Variants in PTPA observed in about 807,000 individuals in gnomAD.
PTPA encodes serine/threonine-protein phosphatase 2A activator.
In PTPA, 13 loss-of-function variants were observed where a neutral mutation model predicts 43.6. The observed-to-expected ratio is 0.30, with a 90% CI of 0.19 to 0.47. PTPA has a LOEUF of 0.47. Ranked by LOEUF, PTPA falls within the 20% of genes least tolerant of loss-of-function variation. PTPA has a pLI of 0.99. For synonymous variants in PTPA, 172 were observed against 158.2 expected (o/e 1.09, Z -0.66); for missense variants, 329 against 411.9 (o/e 0.80, Z 1.74).
intron 8 of PTPA, chr9:129,141,811 C>A (rs2131619617): frequency 6.6e-6 from 1 of 152,470 alleles, no homozygotes; most frequent in African/African-American, 2.4e-5. Flanking sequence ...CTCTTCCCTG[C>A]CTGCATGGCA....
upstream of PTPA, chr9:129,111,060 T>C: frequency 7.3e-7 from 1 of 1,368,134 alleles, no homozygotes; most frequent in African/African-American, 1.5e-5. Flanking sequence ...TCCAACTCCG[T>C]CTGGTGTCCT....
At chr9:129,125,454 G>T (rs1849515897) in intron 3 of PTPA, among the ~76,000 whole-genome samples, 1 of 152,088 alleles carries the variant, frequency 6.6e-6, no homozygotes, top group Non-Finnish European at 1.5e-5. Flanking sequence ...GTTTCACCAT[G>T]TTGGGCAGGC....
intron 9 of PTPA, chr9:129,142,870 C>G: frequency 6.6e-7 from 1 of 1,516,014 alleles, no homozygotes; most frequent in Non-Finnish European, 8.8e-7. Context: ...TATCAAGTGG[C>G]CAAAGGCTCC....
intron 9 of PTPA, chr9:129,142,800 A>C: frequency 6.5e-7 from 1 of 1,535,696 alleles, no homozygotes; most frequent in South Asian, 1.2e-5. Flanking sequence ...ATGAGCTTGG[A>C]GGCTGAGGCA....
intron 1 of PTPA, among the ~76,000 whole-genome samples, chr9:129,116,384 CTTTTTTTT>C (rs142067473): frequency 9.3e-6 from 1 of 107,706 alleles, no homozygotes; most frequent in Non-Finnish European, 1.7e-5. Context: ...GACAGGGTTT[CTTTTTTTT>C]TTTTTTTTTT....
chr9:129,144,861 C>T (rs1035191040), intron 9 of PTPA, among the ~76,000 whole-genome samples: 2 of 151,796 alleles, frequency 1.3e-5, no homozygotes, highest in African/African-American at 2.4e-5. Context: ...GAGGAAACCC[C>T]GTCTCTACTA....
At chr9:129,141,869 C>T (rs925130520) in intron 8 of PTPA, 2 of 151,624 alleles carry the variant, frequency 1.3e-5, no homozygotes, top group Non-Finnish European at 2.9e-5. Flanking sequence ...CACCTTGGTC[C>T]TCTTGCAAAT....
In PTPA at chr9:129,147,550, C is replaced by G; in HGVS notation, c.*86C>G. On this transcript the variant is annotated 3_prime_UTR_variant, in exon 10 of 10. Transcript: ENST00000393370. ...GCAGTGGCCCCTCCCCATCCCCTCC[C>G]TCTGTTCGTCCCGTTTGATGAGAGG... 1 of 1,378,750 alleles carries G rather than the reference C, an allele frequency of 7.3e-7. No homozygotes were observed. The highest frequency in any genetic ancestry group is 1.0e-6 in the Non-Finnish European group (1 of 987,906). 85.4% of individuals were successfully genotyped at this position (1,378,750 alleles called of 1,614,324 possible). A position where few individuals can be genotyped will look rare whatever the true frequency, so the allele number is the denominator to read the frequency against.
chr9:129,133,972 T>G (rs1850169620), intron 5 of PTPA, among the ~76,000 whole-genome samples: 1 of 152,250 alleles, frequency 6.6e-6, no homozygotes, highest in Non-Finnish European at 1.5e-5. Flanking sequence ...AGATTAGATG[T>G]TACTTCCTTA....
At chr9:129,137,372 T>C (rs1421125188) in intron 7 of PTPA, among the ~76,000 whole-genome samples, 1 of 152,224 alleles carries the variant, frequency 6.6e-6, no homozygotes, top group Non-Finnish European at 1.5e-5. Flanking sequence ...GTGAGGAAAC[T>C]GAACCTTGGC....
intron 3 of PTPA, 92 bp from the exon 4 acceptor site, chr9:129,128,893 G>A (rs1003533272): frequency 5.9e-6 from 9 of 1,513,916 alleles, no homozygotes; most frequent in Admixed American, 3.5e-5. Flanking sequence ...GCCATGCCAA[G>A]GGGTCATTGT....
chr9:129,147,015 A>G (rs1258354602), intron 9 of PTPA, among the ~76,000 whole-genome samples: 2 of 152,208 alleles, frequency 1.3e-5, no homozygotes, highest in East Asian at 3.9e-4. Context: ...TTACGTTCAA[A>G]TGTCCCCACG....
chr9:129,137,211 A>T (rs897222592), intron 7 of PTPA, among the ~76,000 whole-genome samples: 1 of 152,200 alleles, frequency 6.6e-6, no homozygotes, highest in Non-Finnish European at 1.5e-5. Context: ...TGCCTCCCCG[A>T]ATCTTCTCAG....
intron 9 of PTPA, 49 bp downstream of exon 9, chr9:129,142,601 C>T: frequency 6.2e-7 from 1 of 1,609,528 alleles, no homozygotes; most frequent in Non-Finnish European, 8.5e-7. Context: ...GCACTTGGTC[C>T]TGGGCTGGGG....
rs1294096387 is a variant in PTPA, at chr9:129,137,779, G to T, written c.786+87G>T. 2.4e-6 allele frequency: 3 copies of T among 1,250,712 alleles called. No homozygotes were observed. The East Asian group carries it at 7.5e-5, about 31-fold the overall frequency. The allele number at this position is 1,250,712 out of a possible 1,614,324, so 77.5% of individuals were successfully genotyped here. The stretch of plus-strand genomic sequence containing the variant: ...GGTGGCCTTACAGTGGATCAGAAGA[G>T]CCAGAGCTGCTGCCCAAAATGGCAG... On this transcript the variant is annotated intron_variant, in intron 8 of 9. Coordinates refer to ENST00000393370, the MANE Select transcript of PTPA (RefSeq NM_178000.3).
At position 129,111,585 on chromosome 9, in the gene PTPA, T is replaced by C; in HGVS notation, c.-16T>C. 3.1e-6 allele frequency: 4 copies of C among 1,288,438 alleles called. No homozygotes were observed. The highest frequency in any genetic ancestry group is 3.1e-5 in the African/African-American group (2 of 64,814). 79.8% of individuals were successfully genotyped at this position (1,288,438 alleles called of 1,614,324 possible). A position where few individuals can be genotyped will look rare whatever the true frequency, so the allele number is the denominator to read the frequency against. On this transcript the variant is annotated 5_prime_UTR_variant, in exon 1 of 10. Coordinates refer to ENST00000393370, the MANE Select transcript of PTPA (RefSeq NM_178000.3). Reference sequence around the variant, plus strand: ...GGGGACTGCAAGCATCCGGGTCGGCTCCTGGCCGGAGCAAGATGGCTGAGG... The same window carrying C: ...GGGGACTGCAAGCATCCGGGTCGGCCCCTGGCCGGAGCAAGATGGCTGAGG...
At chr9:129,111,349 C>A, upstream of PTPA, 5 of 1,196,442 alleles carry the variant, frequency 4.2e-6, no homozygotes, top group Non-Finnish European at 4.2e-6. Flanking sequence ...CTGACATGGC[C>A]GTCGCCCGGT....
At chr9:129,136,675 C>G (rs1003357198) in intron 7 of PTPA, 80 bp downstream of exon 7, 1 of 1,438,192 alleles carries the variant, frequency 7.0e-7, no homozygotes, top group Non-Finnish European at 9.3e-7. Flanking sequence ...CTCCTGCGCT[C>G]CCTCCTTCCC....
rs753078888 is a variant in PTPA, at chr9:129,123,136, G to C, written c.214G>C (p.Glu72Gln). The change falls in exon 3 of 10, where the codon GAG becomes CAG. Residue 72 changes from glutamate to glutamine, a missense_variant and splice_region_variant. Glu to Gln is a conservative substitution (Grantham distance 29). Transcript: ENST00000393370. ...KKLTFEYRVS[E>Q]AIEKLVALLN... ...GCTGACCTTCGAGTACAGAGTCTCC[G>C]AGGTAGGCCCAAGGAGGAGCTGCTG... is the stretch of plus-strand genomic sequence containing the variant. The C allele has an allele frequency of 1.2e-6, 2 of 1,605,456 alleles. No individual in the cohort carries two copies. Among genetic ancestry groups the C allele is most frequent in the South Asian group, 2.2e-5 (2 of 90,950 alleles).
Sources: allele counts gnomAD v4.1 joint callset (sites outside exome capture counted in the v4.1 genomes callset), GRCh38; gene constraint gnomAD v4.1.1; transcripts MANE v1.5; gene names NCBI Gene and HGNC (gene_info 2026-07-23, HGNC 2026-07-21).